The following CLNK variants were observed in gnomAD, a reference collection of about 807,000 sequenced individuals.
CLNK encodes the protein cytokine-dependent hematopoietic cell linker.
In CLNK, 74 loss-of-function variants were observed where a neutral mutation model predicts 68.6. The ratio of observed to expected loss-of-function variants is 1.08; its 90% CI spans 0.89 to 1.31. The LOEUF (loss-of-function observed/expected upper bound fraction) is 1.31. Among genes scored for constraint, CLNK ranks in the 50% most tolerant of loss-of-function variants. CLNK has a pLI of 0.00. For missense variants in CLNK, 553 were observed against 515.3 expected (o/e 1.07, Z -0.71); for synonymous variants, 198 against 172.2 (o/e 1.15, Z -1.17).
At chr4:10,535,213 G>GAGAAACAAAGAAAGAA (rs1553847857) in intron 11 of CLNK, among the ~76,000 whole-genome samples, 1 of 131,298 alleles carries the variant, frequency 7.6e-6, no homozygotes, top group African/African-American at 2.9e-5. Flanking sequence ...AAGAAAGAAA[G>GAGAAACAAAGAAAGAA]AGAAAGAAAG....
At chr4:10,701,016 A>T in the CLNK span, among the ~76,000 whole-genome samples, 5 of 151,708 alleles carry the variant, frequency 3.3e-5, no homozygotes, top group African/African-American at 1.2e-4. Flanking sequence ...CTGCACCCGT[A>T]AAAGCTTTTA....
chr4:10,571,480 T>A (rs946086033), intron 5 of CLNK, among the ~76,000 whole-genome samples: 1 of 151,654 alleles, frequency 6.6e-6, no homozygotes. Context: ...GATTACAGGC[T>A]CACACCACCA....
At chr4:10,594,632 C>T (rs1721319332) in intron 3 of CLNK, among the ~76,000 whole-genome samples, 1 of 152,164 alleles carries the variant, frequency 6.6e-6, no homozygotes, top group South Asian at 2.1e-4. Context: ...CTGTGCTTTC[C>T]AGAAGGGCTG....
chr4:10,733,045 T>C, the CLNK span, among the ~76,000 whole-genome samples: 1 of 152,188 alleles, frequency 6.6e-6, no homozygotes. Flanking sequence ...AGCTTCAATG[T>C]AGAGGGAAAA....
chr4:10,555,036 G>C (rs1470954409), intron 8 of CLNK, among the ~76,000 whole-genome samples: 1 of 152,200 alleles, frequency 6.6e-6, no homozygotes, highest in East Asian at 1.9e-4. Context: ...TAAAATGAGA[G>C]AATTGACCCA....
chr4:10,644,984 G>C (rs536520026), intron 2 of CLNK, among the ~76,000 whole-genome samples: 5 of 152,328 alleles, frequency 3.3e-5, no homozygotes, highest in African/African-American at 1.2e-4. Flanking sequence ...GTTCATAGCT[G>C]GGTAAGCATC....
intron 15 of CLNK, among the ~76,000 whole-genome samples, chr4:10,515,957 C>T (rs1717816641): frequency 6.6e-6 from 1 of 152,170 alleles, no homozygotes; most frequent in Non-Finnish European, 1.5e-5. Context: ...GACACCTAAG[C>T]TTTAAGATGC....
the CLNK span, among the ~76,000 whole-genome samples, chr4:10,707,338 G>A: frequency 2.6e-5 from 4 of 152,330 alleles, no homozygotes; most frequent in South Asian, 8.3e-4. Context: ...CCATGAGTTG[G>A]ACAAGTTTGC....
intron 1 of CLNK, 140 bp from the exon 2 acceptor site, chr4:10,668,051 T>C: frequency 2.2e-6 from 1 of 461,162 alleles, no homozygotes; most frequent in Admixed American, 4.1e-5. Flanking sequence ...TCAATCCAGG[T>C]CAAGAATTGG....
chr4:10,576,045 T>C (rs1384512908), intron 4 of CLNK, among the ~76,000 whole-genome samples: 1 of 152,226 alleles, frequency 6.6e-6, no homozygotes, highest in Non-Finnish European at 1.5e-5. Context: ...AACCCACGTG[T>C]AGCAGAGATG....
intron 1 of CLNK, among the ~76,000 whole-genome samples, chr4:10,678,497 T>C (rs1218909285): frequency 2.0e-5 from 3 of 152,184 alleles, no homozygotes; most frequent in Non-Finnish European, 4.4e-5. Flanking sequence ...GATTAGCACA[T>C]TTGAGGAATT....
In CLNK at chr4:10,628,749, C is replaced by T. The variant is rs373020341; in HGVS notation, c.12-30700G>A. On this transcript the variant is annotated intron_variant, in intron 2 of 18. Coordinates refer to ENST00000226951, the MANE Select transcript of CLNK (RefSeq NM_052964.4). Reference sequence around the variant, plus strand: ...GCTGAACTGAAACAGGAGCTTTAAGCTCTTTCAGGCCTCCCCACATCTTAC... The same window carrying T: ...GCTGAACTGAAACAGGAGCTTTAAGTTCTTTCAGGCCTCCCCACATCTTAC... 6.6e-5 allele frequency among the ~76,000 whole-genome samples: 10 copies of T among 152,294 alleles called. No homozygotes were observed. In the East Asian group the frequency reaches 1.9e-3, roughly 29 times the overall value.
intron 18 of CLNK, among the ~76,000 whole-genome samples, chr4:10,497,564 A>T (rs1333516300): frequency 6.6e-6 from 1 of 152,208 alleles, no homozygotes; most frequent in Middle Eastern, 3.2e-3. Flanking sequence ...CTGCCATAGG[A>T]GATGCTCCTT....
chr4:10,680,295 C>G (rs13113506), intron 1 of CLNK, among the ~76,000 whole-genome samples: 73,409 of 147,544 alleles, frequency 0.5, 18,231 homozygotes, highest in South Asian at 0.54. Flanking sequence ...CATGTTCTCA[C>G]TCATAGGTGG....
intron 2 of CLNK, among the ~76,000 whole-genome samples, chr4:10,642,842 G>A (rs886647882): frequency 6.6e-6 from 1 of 152,194 alleles, no homozygotes; most frequent in African/African-American, 2.4e-5. Flanking sequence ...CTTCTGGGAA[G>A]GGTATGTAAA....
At chr4:10,648,543 T>C (rs1723602384) in intron 2 of CLNK, among the ~76,000 whole-genome samples, 1 of 152,208 alleles carries the variant, frequency 6.6e-6, no homozygotes, top group Admixed American at 6.5e-5. Flanking sequence ...ATCTTCATGA[T>C]CAAATGTTCT....
chr4:10,631,561 C>A (rs1722891260), intron 2 of CLNK, among the ~76,000 whole-genome samples: 1 of 152,052 alleles, frequency 6.6e-6, no homozygotes. Context: ...TTAATCTAGA[C>A]ATGTATATGC....
At chr4:10,589,639 C>T (rs186379517) in intron 3 of CLNK, among the ~76,000 whole-genome samples, 4 of 145,656 alleles carry the variant, frequency 2.7e-5, no homozygotes, top group Admixed American at 2.7e-4. Context: ...TGGGACCAGC[C>T]GCCTAGGGTC....
the CLNK span, among the ~76,000 whole-genome samples, chr4:10,699,512 A>ATATATTTTTTTTT: frequency 3.1e-5 from 1 of 32,760 alleles, no homozygotes; most frequent in Non-Finnish European, 5.6e-5. Context: ...ATATATATAT[A>ATATATTTTTTTTT]TTTTTTTTTT....
Sources: allele counts gnomAD v4.1 joint callset (sites outside exome capture counted in the v4.1 genomes callset), GRCh38; gene constraint gnomAD v4.1.1; transcripts MANE v1.5; gene names NCBI Gene and HGNC (gene_info 2026-07-23, HGNC 2026-07-21).